The following PABPC4L variants were observed in gnomAD, a reference collection of about 807,000 sequenced individuals.
PABPC4L encodes the protein polyadenylate-binding protein 4-like.
For missense variants in PABPC4L, 452 were observed against 451.4 expected, an observed-to-expected ratio of 1.00 and a Z score of -0.01; for synonymous variants, 169 against 164.1, an observed-to-expected ratio of 1.03 and a Z score of -0.23.
chr4:134,018,999 G>A, the PABPC4L span, among the ~76,000 whole-genome samples: 1 of 151,964 alleles, frequency 6.6e-6, no homozygotes, highest in Non-Finnish European at 1.5e-5. Context: ...ATTTGTCATT[G>A]GTGCTATAAA....
At chr4:133,996,422 C>T in the PABPC4L span, among the ~76,000 whole-genome samples, 6 of 152,222 alleles carry the variant, frequency 3.9e-5, no homozygotes, top group Admixed American at 1.3e-4. Context: ...ATTGAGCCTG[C>T]GAGACGAAGG....
chr4:134,134,161 C>G, the PABPC4L span, among the ~76,000 whole-genome samples: 1 of 151,906 alleles, frequency 6.6e-6, no homozygotes, highest in African/African-American at 2.4e-5. Flanking sequence ...ACTTAATATT[C>G]CTTCCCTTGA....
chr4:134,069,867 T>A, the PABPC4L span, among the ~76,000 whole-genome samples: 1 of 152,102 alleles, frequency 6.6e-6, no homozygotes, highest in Non-Finnish European at 1.5e-5. Flanking sequence ...GGGAAATAGT[T>A]CAGTTATATG....
chr4:134,121,813 T>C, the PABPC4L span, among the ~76,000 whole-genome samples: 1 of 151,826 alleles, frequency 6.6e-6, no homozygotes, highest in East Asian at 1.9e-4. Flanking sequence ...GATCCTTTAC[T>C]ATTATTGCAT....
At chr4:134,046,294 T>G in the PABPC4L span, among the ~76,000 whole-genome samples, 2 of 152,142 alleles carry the variant, frequency 1.3e-5, no homozygotes, top group African/African-American at 4.8e-5. Context: ...GGGAAGGTAC[T>G]ATGCCTGGAT....
the PABPC4L span, among the ~76,000 whole-genome samples, chr4:134,186,522 A>G: frequency 7.6e-4 from 116 of 152,294 alleles, no homozygotes; most frequent in African/African-American, 2.8e-3. Flanking sequence ...CCTTCCTTAC[A>G]TCTTATACAA....
At chr4:133,989,494 C>A in the PABPC4L span, among the ~76,000 whole-genome samples, 6 of 152,186 alleles carry the variant, frequency 3.9e-5, no homozygotes, top group African/African-American at 1.2e-4. Context: ...CCATCTGAGA[C>A]CGTATCAGCC....
At chr4:134,073,174 T>C in the PABPC4L span, among the ~76,000 whole-genome samples, 1 of 152,126 alleles carries the variant, frequency 6.6e-6, no homozygotes, top group Non-Finnish European at 1.5e-5. Flanking sequence ...TCCTTCCACC[T>C]ATGAGGCTGT....
At chr4:133,950,769 G>A in the PABPC4L span, among the ~76,000 whole-genome samples, 1 of 152,110 alleles carries the variant, frequency 6.6e-6, no homozygotes, top group Non-Finnish European at 1.5e-5. Context: ...TAAGCCTATT[G>A]ACTACAACCT....
the PABPC4L span, among the ~76,000 whole-genome samples, chr4:134,156,024 A>G: frequency 6.6e-6 from 1 of 152,078 alleles, no homozygotes; most frequent in South Asian, 2.1e-4. Flanking sequence ...CATTTCTACA[A>G]GGTTTGTGCT....
the PABPC4L span, among the ~76,000 whole-genome samples, chr4:134,082,508 T>C: frequency 6.6e-6 from 1 of 152,194 alleles, no homozygotes; most frequent in African/African-American, 2.4e-5. Flanking sequence ...AAAGCTATCA[T>C]GTTCTTATTA....
chr4:134,092,783 C>T, the PABPC4L span, among the ~76,000 whole-genome samples: 1 of 152,016 alleles, frequency 6.6e-6, no homozygotes, highest in Non-Finnish European at 1.5e-5. Context: ...ACAAGCCATC[C>T]CTCCCACCAT....
chr4:134,065,370 T>C, the PABPC4L span, among the ~76,000 whole-genome samples: 4 of 152,138 alleles, frequency 2.6e-5, no homozygotes, highest in Non-Finnish European at 4.4e-5. Flanking sequence ...TTTTATATGC[T>C]TGTTGGCTGT....
At chr4:134,010,388 G>A in the PABPC4L span, among the ~76,000 whole-genome samples, 3 of 151,836 alleles carry the variant, frequency 2.0e-5, no homozygotes, top group Admixed American at 6.6e-5. Context: ...TAAATATCTG[G>A]CATTTTTATT....
the PABPC4L span, among the ~76,000 whole-genome samples, chr4:133,956,091 A>G: frequency 1.3e-4 from 20 of 152,304 alleles, no homozygotes; most frequent in South Asian, 1.0e-3. Context: ...CATTCAAATC[A>G]TAAGGGTTTT....
At chr4:134,094,258 T>A in the PABPC4L span, among the ~76,000 whole-genome samples, 1 of 152,076 alleles carries the variant, frequency 6.6e-6, no homozygotes, top group African/African-American at 2.4e-5. Flanking sequence ...TTGAAAGGTA[T>A]CCTCAACCAA....
chr4:134,178,082 C>T, the PABPC4L span, among the ~76,000 whole-genome samples: 1 of 152,114 alleles, frequency 6.6e-6, no homozygotes, highest in Non-Finnish European at 1.5e-5. Context: ...AGTGGTCCTA[C>T]TTCTACCTAC....
the PABPC4L span, among the ~76,000 whole-genome samples, chr4:134,073,821 C>T: frequency 2.0e-5 from 3 of 152,192 alleles, no homozygotes; most frequent in Non-Finnish European, 4.4e-5. Flanking sequence ...GAAGCAATAA[C>T]TTGAGCTGTA....
the PABPC4L span, among the ~76,000 whole-genome samples, chr4:134,088,023 C>T: frequency 4.6e-5 from 7 of 152,192 alleles, no homozygotes; most frequent in East Asian, 7.8e-4. Context: ...TTCAGTTTGG[C>T]TTCTTGTCTT....
Sources: allele counts gnomAD v4.1 joint callset (sites outside exome capture counted in the v4.1 genomes callset), GRCh38; gene constraint gnomAD v4.1.1; transcripts MANE v1.5; gene names NCBI Gene and HGNC (gene_info 2026-07-23, HGNC 2026-07-21).